Variants in PIP5K1B observed in about 807,000 individuals in gnomAD.
PIP5K1B encodes phosphatidylinositol 4-phosphate 5-kinase type-1 beta.
Under a neutral mutation model 67.0 loss-of-function variants are expected in PIP5K1B, and 42 were observed. That is an observed-to-expected ratio of 0.63 (90% CI 0.49 to 0.81). The LOEUF is 0.81. Ranked by LOEUF, PIP5K1B falls within the 30% of genes least tolerant of loss-of-function variation. PIP5K1B has a pLI of 0.00. For synonymous variants in PIP5K1B, 214 were observed against 231.4 expected, an observed-to-expected ratio of 0.92 and a Z score of 0.68; for missense variants, 459 against 646.3, an observed-to-expected ratio of 0.71 and a Z score of 3.14.
At chr9:68,826,387 C>T (rs560138263) in intron 4 of PIP5K1B, among the ~76,000 whole-genome samples, 6 of 152,248 alleles carry the variant, frequency 3.9e-5, no homozygotes, top group Non-Finnish European at 8.8e-5. Flanking sequence ...AATGAATGCT[C>T]GCCCAGGGTT....
intron 6 of PIP5K1B, among the ~76,000 whole-genome samples, chr9:68,885,426 T>C (rs969983649): frequency 2.6e-5 from 4 of 152,186 alleles, no homozygotes; most frequent in African/African-American, 9.7e-5. Context: ...TGTATATCTT[T>C]CTAAATTAAT....
chr9:68,907,310 C>G (rs976096093), intron 8 of PIP5K1B, among the ~76,000 whole-genome samples: 11 of 152,180 alleles, frequency 7.2e-5, no homozygotes, highest in African/African-American at 2.7e-4. Flanking sequence ...CCTCTCCATA[C>G]TCACGCATTC....
chr9:68,731,316 A>G (rs1273408959), intron 1 of PIP5K1B, among the ~76,000 whole-genome samples: 2 of 152,182 alleles, frequency 1.3e-5, no homozygotes, highest in Admixed American at 1.3e-4. Flanking sequence ...CTAACACTGC[A>G]TTGTGTACAC....
rs79102834 is a variant in PIP5K1B at position 68,817,224 on chromosome 9, G to A, written c.-85-1237G>A. On this transcript the variant is annotated intron_variant, in intron 2 of 15. Coordinates refer to ENST00000265382, the MANE Select transcript of PIP5K1B (RefSeq NM_003558.4). Reference sequence around the variant, plus strand: ...GTGAGCAAACACTTTTAAAGATGGCGAACACCAGTGCTGATCAGTGTGTCA... The same window carrying A: ...GTGAGCAAACACTTTTAAAGATGGCAAACACCAGTGCTGATCAGTGTGTCA... Among the ~76,000 whole-genome samples the A allele has an allele frequency of 5.8e-3, 886 of 152,314 alleles. 7 individuals are homozygous for A. Among genetic ancestry groups the A allele is most frequent in the African/African-American group, 0.02 (837 of 41,574 alleles).
At chr9:68,868,845 C>A (rs551250481) in intron 5 of PIP5K1B, among the ~76,000 whole-genome samples, 2 of 152,152 alleles carry the variant, frequency 1.3e-5, no homozygotes, top group African/African-American at 4.8e-5. Flanking sequence ...CAGGAGTTTA[C>A]CCTGATGTAA....
At chr9:68,729,408 T>C (rs10869249) in intron 1 of PIP5K1B, among the ~76,000 whole-genome samples, 18,317 of 152,040 alleles carry the variant, frequency 0.12, 1,214 homozygotes, top group African/African-American at 0.15. Flanking sequence ...TTCTGGGAGA[T>C]AGAAAAAAGC....
chr9:68,986,888 A>G (rs1014054631), intron 14 of PIP5K1B, among the ~76,000 whole-genome samples: 2 of 152,212 alleles, frequency 1.3e-5, no homozygotes. Flanking sequence ...GGATCACAAG[A>G]GGGCAGGAGA....
intron 15 of PIP5K1B, among the ~76,000 whole-genome samples, chr9:68,998,567 T>C (rs1830690456): frequency 6.6e-6 from 1 of 152,282 alleles, no homozygotes; most frequent in African/African-American, 2.4e-5. Flanking sequence ...TGCCATTTTC[T>C]GGAAACTTTC....
At chr9:68,714,500 C>A (rs1303976249) in intron 1 of PIP5K1B, among the ~76,000 whole-genome samples, 1 of 152,350 alleles carries the variant, frequency 6.6e-6, no homozygotes, top group South Asian at 2.1e-4. Context: ...CCTGAGTCCA[C>A]TCTGGGTCTC....
At chr9:68,987,373 G>A (rs1564295255) in intron 14 of PIP5K1B, among the ~76,000 whole-genome samples, 1 of 152,144 alleles carries the variant, frequency 6.6e-6, no homozygotes, top group Non-Finnish European at 1.5e-5. Context: ...AGACCAGCCT[G>A]GCCAACAGTG....
Position 68,807,407 on chromosome 9 carries a change from G to C in PIP5K1B, c.-85-11054G>C, listed in dbSNP as rs1832928184. 2.0e-5 allele frequency among the ~76,000 whole-genome samples: 3 copies of C among 152,160 alleles called. No homozygotes were observed. In the South Asian group the frequency reaches 6.2e-4, roughly 32 times the overall value. On this transcript the variant is annotated intron_variant, in intron 2 of 15. Coordinates refer to ENST00000265382, the MANE Select transcript of PIP5K1B (RefSeq NM_003558.4). ...TTTGTCTCCTGCTCAGTCCTTTTCT[G>C]CCCATAACAGCATTGGCCATCCCCT...
intron 15 of PIP5K1B, among the ~76,000 whole-genome samples, chr9:69,001,072 T>G (rs939744109): frequency 2.0e-5 from 3 of 151,668 alleles, no homozygotes; most frequent in African/African-American, 7.3e-5. Context: ...CTAATTTTTA[T>G]TTTTATTTTT....
At chr9:68,929,481 C>T (rs1826883854) in intron 12 of PIP5K1B, among the ~76,000 whole-genome samples, 2 of 152,118 alleles carry the variant, frequency 1.3e-5, no homozygotes, top group Admixed American at 1.3e-4. Context: ...TATCTTTTTC[C>T]TCCTTCACTG....
At chr9:68,769,591 G>T (rs1193825156) in intron 2 of PIP5K1B, among the ~76,000 whole-genome samples, 1 of 151,920 alleles carries the variant, frequency 6.6e-6, no homozygotes, top group African/African-American at 2.4e-5. Flanking sequence ...TAAAACTAAG[G>T]TTTATTTTAT....
intron 12 of PIP5K1B, among the ~76,000 whole-genome samples, chr9:68,925,494 C>T (rs1826644729): frequency 6.6e-6 from 1 of 152,138 alleles, no homozygotes; most frequent in African/African-American, 2.4e-5. Flanking sequence ...GTTTATTAGC[C>T]ATTTGTAGTT....
At chr9:68,921,812 C>CTGCA (rs1463578486) in intron 11 of PIP5K1B, among the ~76,000 whole-genome samples, 1 of 152,166 alleles carries the variant, frequency 6.6e-6, no homozygotes, top group Non-Finnish European at 1.5e-5. Flanking sequence ...GATCGTGCTA[C>CTGCA]TGCACTCCAG....
chr9:68,756,434 T>C (rs148995392), intron 2 of PIP5K1B, among the ~76,000 whole-genome samples: 31 of 152,362 alleles, frequency 2.0e-4, no homozygotes, highest in African/African-American at 7.0e-4. Context: ...TTACAGTTTT[T>C]GTTTTACAAG....
chr9:68,805,836 T>A (rs1434990548), intron 2 of PIP5K1B, among the ~76,000 whole-genome samples: 1 of 152,198 alleles, frequency 6.6e-6, no homozygotes, highest in East Asian at 1.9e-4. Flanking sequence ...AGAACTCAAG[T>A]GAATGCTGAA....
intron 6 of PIP5K1B, among the ~76,000 whole-genome samples, chr9:68,887,643 A>G (rs1304417874): frequency 1.3e-5 from 2 of 152,206 alleles, no homozygotes; most frequent in Non-Finnish European, 1.5e-5. Context: ...TTCCTGGTGA[A>G]TGTACTAGAG....
Sources: gnomAD v4.1 joint callset for allele counts (sites outside exome capture counted in the v4.1 genomes callset) on GRCh38, gnomAD v4.1.1 for gene constraint, MANE v1.5 for transcripts, NCBI Gene and HGNC (gene_info 2026-07-23, HGNC 2026-07-21) for gene names.